PTPN9: variants seen among roughly 807,000 people sequenced by gnomAD.
PTPN9 encodes the protein protein tyrosine phosphatase non-receptor type 9.
Under a neutral mutation model 69.8 loss-of-function variants are expected in PTPN9, and 26 were observed. The observed-to-expected ratio is 0.37, with a 90% CI of 0.27 to 0.52. The LOEUF (loss-of-function observed/expected upper bound fraction) is 0.52, where lower values mean the gene tolerates loss of function less well. PTPN9 is among the 20% of genes least tolerant of loss of function. PTPN9 has a pLI of 0.91. For missense variants in PTPN9, 549 were observed against 740.3 expected (o/e 0.74, Z 3.00); for synonymous variants, 274 against 272.5 (o/e 1.01, Z -0.05).
chr15:75,498,053 G>A (rs894769416), intron 7 of PTPN9, among the ~76,000 whole-genome samples: 9 of 151,454 alleles, frequency 5.9e-5, no homozygotes, highest in Non-Finnish European at 8.8e-5. Flanking sequence ...AAAATTAGCT[G>A]GGCGTGGTAG....
intron 7 of PTPN9, among the ~76,000 whole-genome samples, chr15:75,490,685 C>T (rs1399007366): frequency 2.0e-5 from 3 of 152,108 alleles, no homozygotes; most frequent in South Asian, 2.1e-4. Flanking sequence ...AGTGCAGTAG[C>T]GTGATCTCGA....
At chr15:75,550,860 G>A (rs551187124) in intron 1 of PTPN9, among the ~76,000 whole-genome samples, 7 of 152,090 alleles carry the variant, frequency 4.6e-5, no homozygotes, top group African/African-American at 1.7e-4. Context: ...TGTTGGCCAG[G>A]CTGCTCTTGA....
At position 75,578,827 on chromosome 15, in the gene PTPN9, C is replaced by T. The variant is rs1015263427; in HGVS notation, c.-51G>A. 20 of 1,160,666 alleles carry T rather than the reference C, an allele frequency of 1.7e-5. No individual in the cohort carries two copies. The highest frequency in any genetic ancestry group is 1.1e-5 in the Non-Finnish European group (10 of 933,286). 71.9% of individuals were successfully genotyped at this position (1,160,666 alleles called of 1,614,324 possible). The stretch of plus-strand genomic sequence containing the variant: ...CAAAACTCGCTCGCGAGCGCGGGAG[C>T]CCGGCGCGCTCGGCCTCCGCTTCCG... On this transcript the variant is annotated 5_prime_UTR_variant, in exon 1 of 13. Coordinates refer to ENST00000618819, the MANE Select transcript of PTPN9 (RefSeq NM_002833.4).
intron 7 of PTPN9, among the ~76,000 whole-genome samples, chr15:75,492,269 T>C (rs1157750917): frequency 1.3e-5 from 2 of 152,150 alleles, no homozygotes; most frequent in African/African-American, 4.8e-5. Flanking sequence ...GAGTATTCAC[T>C]ACAAACCCAA....
chr15:75,578,878 G>C lies in PTPN9; in HGVS notation c.-102C>G. ...CGTCCCCGCGCCTCAGCAGCCCGGG[G>C]CCGGCTCGCGCATAGTGTGGCCGGC... On this transcript the variant is annotated 5_prime_UTR_variant, in exon 1 of 13. Transcript: ENST00000618819. 1 of 803,376 alleles carries C rather than the reference G, an allele frequency of 1.2e-6. No homozygotes were observed. The highest frequency in any genetic ancestry group is 4.3e-5 in the East Asian group (1 of 23,426). The allele number at this position is 803,376 out of a possible 1,614,324, so 49.8% of individuals were successfully genotyped here. A position where few individuals can be genotyped will look rare whatever the true frequency, so the allele number is the denominator to read the frequency against.
intron 1 of PTPN9, among the ~76,000 whole-genome samples, chr15:75,529,610 A>G (rs1311266783): frequency 6.6e-6 from 1 of 152,154 alleles, no homozygotes; most frequent in African/African-American, 2.4e-5. Context: ...TAATTTTTCA[A>G]TTGAAAAATA....
chr15:75,515,328 G>A (rs1348689997), intron 5 of PTPN9, among the ~76,000 whole-genome samples: 1 of 150,832 alleles, frequency 6.6e-6, no homozygotes, highest in East Asian at 2.0e-4. Flanking sequence ...TCTGGAGGCT[G>A]AGGCAGGAGA....
At chr15:75,541,069 C>A in intron 1 of PTPN9, among the ~76,000 whole-genome samples, 1 of 151,534 alleles carries the variant, frequency 6.6e-6, no homozygotes. Flanking sequence ...ACAGTGAAAC[C>A]CTGTCTCAAA....
At chr15:75,560,171 T>G (rs1370394086) in intron 1 of PTPN9, among the ~76,000 whole-genome samples, 1 of 151,960 alleles carries the variant, frequency 6.6e-6, no homozygotes, top group African/African-American at 2.4e-5. Context: ...TCTGATAACT[T>G]AATTCCATAA....
At position 75,503,905 on chromosome 15, in the gene PTPN9, G is replaced by A. The variant is rs1476750889; in HGVS notation, c.968+1770C>T. Among the ~76,000 whole-genome samples the A allele has an allele frequency of 4.3e-5, 5 of 116,746 alleles. No individual in the cohort carries two copies. The East Asian group carries it at 8.1e-4, about 19-fold the overall frequency. 76.6% of individuals were successfully genotyped at this position (116,746 alleles called of 152,430 possible). Reference sequence around the variant, plus strand: ...CAGCCGCCCCGTCCGGGAGGGAGGTGGGGTCAGCCCCCCGCCCGGCCAGCC... The same window carrying A: ...CAGCCGCCCCGTCCGGGAGGGAGGTAGGGTCAGCCCCCCGCCCGGCCAGCC... On this transcript the variant is annotated intron_variant, in intron 7 of 12. Transcript: ENST00000618819.
chr15:75,516,235 G>A (rs759395113), intron 5 of PTPN9, among the ~76,000 whole-genome samples: 1 of 151,428 alleles, frequency 6.6e-6, no homozygotes, highest in Non-Finnish European at 1.5e-5. Flanking sequence ...TAGAATATCT[G>A]CATATACATA....
At chr15:75,558,517 C>A (rs980004108) in intron 1 of PTPN9, among the ~76,000 whole-genome samples, 1 of 151,868 alleles carries the variant, frequency 6.6e-6, no homozygotes, top group Non-Finnish European at 1.5e-5. Flanking sequence ...CTCCCTCTCC[C>A]CCTCCCCCTC....
At chr15:75,534,362 C>G (rs185070988) in intron 1 of PTPN9, among the ~76,000 whole-genome samples, 2 of 152,240 alleles carry the variant, frequency 1.3e-5, no homozygotes, top group Admixed American at 1.3e-4. Flanking sequence ...TTATACAAAA[C>G]CATACATTTA....
At position 75,578,703 on chromosome 15, in the gene PTPN9, G is replaced by A; in HGVS notation, c.63+11C>T. The A allele has an allele frequency of 7.3e-7, 1 of 1,370,888 alleles. No individual in the cohort carries two copies. Among genetic ancestry groups the A allele is most frequent in the Non-Finnish European group, 9.4e-7 (1 of 1,059,266 alleles). 84.9% of individuals were successfully genotyped at this position (1,370,888 alleles called of 1,614,324 possible). A position where few individuals can be genotyped will look rare whatever the true frequency, so the allele number is the denominator to read the frequency against. ...GGACACACCCAACGCGGCGGCCTCG[G>A]GCCCGCTTACCTGCTCCTCCTCCGG... On this transcript the variant is annotated intron_variant, in intron 1 of 12. Transcript: ENST00000618819.
At chr15:75,530,846 A>C (rs1595962722) in intron 1 of PTPN9, among the ~76,000 whole-genome samples, 1 of 100,764 alleles carries the variant, frequency 9.9e-6, no homozygotes, top group East Asian at 2.4e-4. Context: ...ATAATATATT[A>C]TATATTATGA....
intron 5 of PTPN9, chr15:75,513,137 G>C (rs1404584273): frequency 2.5e-6 from 1 of 397,186 alleles, no homozygotes; most frequent in Non-Finnish European, 4.9e-6. Context: ...AGACAGTCAT[G>C]TAAATAGACT....
chr15:75,471,340 TCTGATAAA>T (rs778498276), intron 10 of PTPN9, among the ~76,000 whole-genome samples: 4 of 152,024 alleles, frequency 2.6e-5, no homozygotes, highest in Non-Finnish European at 4.4e-5. Flanking sequence ...GAGAGAACTC[TCTGATAAA>T]CTGATAAACA....
intron 1 of PTPN9, among the ~76,000 whole-genome samples, chr15:75,552,979 A>T (rs187775273): frequency 6.6e-6 from 1 of 151,976 alleles, no homozygotes; most frequent in South Asian, 2.1e-4. Flanking sequence ...CTTTAGAGTC[A>T]GACAGCCAAG....
At chr15:75,571,194 C>G (rs560489543) in intron 1 of PTPN9, among the ~76,000 whole-genome samples, 1 of 151,286 alleles carries the variant, frequency 6.6e-6, no homozygotes, top group African/African-American at 2.4e-5. Flanking sequence ...CGGGAGGCGG[C>G]GGTTGCAGTG....
Sources: gnomAD v4.1 joint callset for allele counts (sites outside exome capture counted in the v4.1 genomes callset) on GRCh38, gnomAD v4.1.1 for gene constraint, MANE v1.5 for transcripts, NCBI Gene and HGNC (gene_info 2026-07-23, HGNC 2026-07-21) for gene names.